The following EFCAB8 variants were observed in gnomAD, a reference collection of about 807,000 sequenced individuals.
The protein encoded by EFCAB8 is EF-hand calcium-binding domain-containing protein 8.
A neutral mutation model predicts 116.3 loss-of-function variants in EFCAB8; 100 were observed. The ratio of observed to expected loss-of-function variants is 0.86; its 90% CI spans 0.73 to 1.02. EFCAB8 has a LOEUF of 1.02. Among genes scored for constraint, EFCAB8 ranks in the 50% least tolerant of loss-of-function variants. The probability of loss-of-function intolerance (pLI) is 0.00; values close to 1 mark genes in which losing one functional copy is unlikely to be tolerated. For synonymous variants in EFCAB8, 558 were observed against 567.9 expected (o/e 0.98, Z 0.25); for missense variants, 1,320 against 1,416.9 (o/e 0.93, Z 1.10).
intron 20 of EFCAB8, among the ~76,000 whole-genome samples, chr20:32,929,584 C>T (rs1050006873): frequency 2.8e-5 from 4 of 143,906 alleles, no homozygotes; most frequent in African/African-American, 5.1e-5. Context: ...TCAAGTGATT[C>T]ACCCGCCTCG....
At chr20:32,867,887 C>A in intron 3 of EFCAB8, 140 bp downstream of exon 3, 1 of 986,760 alleles carries the variant, frequency 1.0e-6, no homozygotes, top group Non-Finnish European at 1.5e-6. Flanking sequence ...GTCACCCAGT[C>A]TGGAGTGCAG....
At position 32,961,274 on chromosome 20, in the gene EFCAB8, G is replaced by T. The variant is rs2146310093; in HGVS notation, c.3532G>T (p.Val1178Leu). The T allele has an allele frequency of 6.4e-7, 1 of 1,550,500 alleles. No homozygotes were observed. Among genetic ancestry groups the T allele is most frequent in the East Asian group, 2.4e-5 (1 of 40,906 alleles). The part of the protein sequence containing the change: ...LVAHHVQKDL[V>L]PSREQAVLDT... ...GGCCCACCATGTCCAGAAGGACCTG[G>T]TGCCCAGCAGGGAGCAGGCTGTGCT... Residue 1178 changes from valine (V) to leucine (L), a missense_variant, in exon 27 of 27, where the codon GTG becomes TTG. Coordinates refer to ENST00000400522, the MANE Select transcript of EFCAB8 (RefSeq NM_001143967.2).
Position 32,935,188 on chromosome 20 carries a change from C to CTTTTTT in EFCAB8, c.2790+3855_2790+3856insTTTTTT, listed in dbSNP as rs754022404. Among the ~76,000 whole-genome samples the CTTTTTT allele has an allele frequency of 2.4e-3, 163 of 66,842 alleles. 3 individuals are homozygous for CTTTTTT. The highest frequency in any genetic ancestry group is 3.4e-3 in the Non-Finnish European group (128 of 37,344). 43.9% of individuals were successfully genotyped at this position (66,842 alleles called of 152,430 possible). A position where few individuals can be genotyped will look rare whatever the true frequency, so the allele number is the denominator to read the frequency against. On this transcript the variant is annotated intron_variant, in intron 22 of 26. Transcript: ENST00000400522. Reference sequence around the variant, plus strand: ...TCTCTTCTCTTTTCTTTCTTTCTTTCTTTCTTTTTTTTTTTTTTTTTTTTT... The same window carrying CTTTTTT: ...TCTCTTCTCTTTTCTTTCTTTCTTTCTTTTTTTTTCTTTTTTTTTTTTTTTTTTTTT...
intron 8 of EFCAB8, among the ~76,000 whole-genome samples, chr20:32,892,839 T>C (rs1376452169): frequency 6.8e-6 from 1 of 147,472 alleles, no homozygotes; most frequent in East Asian, 2.0e-4. Flanking sequence ...CTCTTTTTTT[T>C]TTTTTTTTCT....
intron 20 of EFCAB8, among the ~76,000 whole-genome samples, chr20:32,922,309 C>T (rs532398270): frequency 6.6e-5 from 10 of 152,240 alleles, no homozygotes; most frequent in East Asian, 3.9e-4. Context: ...ATTGAGAGGA[C>T]GGATTCTTGG....
At chr20:32,861,877 A>C (rs1250087640) in intron 1 of EFCAB8, among the ~76,000 whole-genome samples, 1 of 152,126 alleles carries the variant, frequency 6.6e-6, no homozygotes, top group Non-Finnish European at 1.5e-5. Context: ...TTTTTTATGC[A>C]TGTGCCAATA....
chr20:32,942,571 C>G (rs1468489943), intron 22 of EFCAB8, among the ~76,000 whole-genome samples: 1 of 151,558 alleles, frequency 6.6e-6, no homozygotes, highest in South Asian at 2.1e-4. Flanking sequence ...GATTGTCTAT[C>G]ATATGGATTA....
chr20:32,866,682 C>A (rs955471526), intron 2 of EFCAB8, among the ~76,000 whole-genome samples: 1 of 151,992 alleles, frequency 6.6e-6, no homozygotes, highest in Admixed American at 6.6e-5. Context: ...TGGTCAGGAC[C>A]AGGTCAAATT....
intron 22 of EFCAB8, among the ~76,000 whole-genome samples, chr20:32,943,282 C>G (rs751949670): frequency 1.3e-5 from 2 of 152,192 alleles, no homozygotes; most frequent in Non-Finnish European, 2.9e-5. Context: ...GAATTATATA[C>G]TTCTTATAAG....
chr20:32,930,308 C>T, intron 20 of EFCAB8, 90 bp from the exon 21 acceptor site: 2 of 1,084,270 alleles, frequency 1.8e-6, no homozygotes, highest in Non-Finnish European at 1.3e-6. Flanking sequence ...ACTGGGGGAC[C>T]AGGTGGGTGT....
At chr20:32,931,786 T>G (rs1987921365) in intron 22 of EFCAB8, among the ~76,000 whole-genome samples, 1 of 152,078 alleles carries the variant, frequency 6.6e-6, no homozygotes. Context: ...GTATTCGTAA[T>G]AATGCCACAT....
intron 8 of EFCAB8, among the ~76,000 whole-genome samples, chr20:32,892,709 C>T (rs528824254): frequency 1.1e-4 from 17 of 152,020 alleles, no homozygotes; most frequent in Non-Finnish European, 2.5e-4. Context: ...TCTCCTGGGC[C>T]CGTGTTTGTT....
chr20:32,931,561 A>G (rs1345242055), intron 22 of EFCAB8, among the ~76,000 whole-genome samples: 2 of 152,158 alleles, frequency 1.3e-5, no homozygotes, highest in Non-Finnish European at 2.9e-5. Flanking sequence ...GTTTGAGACC[A>G]GCCTGACCAA....
chr20:32,866,976 G>A (rs891215558), intron 2 of EFCAB8, among the ~76,000 whole-genome samples: 1 of 150,566 alleles, frequency 6.6e-6, no homozygotes, highest in Non-Finnish European at 1.5e-5. Context: ...GGAATGCAGC[G>A]GCACAATCTC....
chr20:32,959,227 ATG>A (rs150450736), intron 24 of EFCAB8, among the ~76,000 whole-genome samples: 3,077 of 152,324 alleles, frequency 0.02, 104 homozygotes, highest in African/African-American at 0.07. Flanking sequence ...CTGCAATTTT[ATG>A]TGATAAGTAA....
intron 11 of EFCAB8, chr20:32,903,726 A>G (rs1373972687): frequency 6.6e-6 from 1 of 152,314 alleles, no homozygotes; most frequent in Non-Finnish European, 1.5e-5. Context: ...CTCTGGACAG[A>G]TGATTTAAAG....
At chr20:32,939,171 CT>C (rs1184542181) in intron 22 of EFCAB8, among the ~76,000 whole-genome samples, 3 of 88,026 alleles carry the variant, frequency 3.4e-5, no homozygotes, top group Non-Finnish European at 4.8e-5. Flanking sequence ...TTCTTTCTTT[CT>C]TTCTTTCTTT....
At chr20:32,945,191 C>T (rs1988549301) in intron 23 of EFCAB8, among the ~76,000 whole-genome samples, 1 of 152,006 alleles carries the variant, frequency 6.6e-6, no homozygotes, top group South Asian at 2.1e-4. Flanking sequence ...CAGGGTCTTG[C>T]TCTGCCACCC....
intron 22 of EFCAB8, among the ~76,000 whole-genome samples, chr20:32,940,869 C>A (rs1600455258): frequency 6.7e-6 from 1 of 149,782 alleles, no homozygotes; most frequent in African/African-American, 2.5e-5. Flanking sequence ...ATAATGAGAT[C>A]CCACTTTACA....
Sources: allele counts gnomAD v4.1 joint callset (sites outside exome capture counted in the v4.1 genomes callset), GRCh38; gene constraint gnomAD v4.1.1; transcripts MANE v1.5; gene names NCBI Gene and HGNC (gene_info 2026-07-23, HGNC 2026-07-21).